The following CTTNBP2 variants were observed in gnomAD, a reference collection of about 807,000 sequenced individuals.
CTTNBP2 encodes the protein cortactin-binding protein 2.
A neutral mutation model predicts 156.9 loss-of-function variants in CTTNBP2; 108 were observed. The ratio of observed to expected loss-of-function variants is 0.69; its 90% confidence interval spans 0.59 to 0.81. CTTNBP2 has a LOEUF of 0.81. Ranked by LOEUF, CTTNBP2 falls within the 30% of genes least tolerant of loss-of-function variation. CTTNBP2 has a pLI of 0.00. For missense variants in CTTNBP2, 1,924 were observed against 2,035.4 expected (o/e 0.95, Z 1.05); for synonymous variants, 767 against 751.8 (o/e 1.02, Z -0.33).
At chr7:117,766,918 T>C in intron 9 of CTTNBP2, 141 bp downstream of exon 9, 1 of 619,556 alleles carries the variant, frequency 1.6e-6, no homozygotes, top group Middle Eastern at 3.2e-4. Context: ...TTATCACACT[T>C]ACAGTCAGTA....
chr7:117,829,214 G>A (rs528036443), intron 2 of CTTNBP2, among the ~76,000 whole-genome samples: 2 of 152,318 alleles, frequency 1.3e-5, no homozygotes, highest in African/African-American at 4.8e-5. Context: ...AAGGAGGTCA[G>A]GACCTGACCA....
intron 2 of CTTNBP2, among the ~76,000 whole-genome samples, chr7:117,814,718 G>A (rs1233594039): frequency 2.0e-5 from 3 of 152,156 alleles, no homozygotes; most frequent in Admixed American, 6.5e-5. Flanking sequence ...GTGAGCCTCC[G>A]TGACAGCCTA....
chr7:117,819,677 A>G (rs945024823), intron 2 of CTTNBP2, among the ~76,000 whole-genome samples: 1 of 152,146 alleles, frequency 6.6e-6, no homozygotes, highest in Middle Eastern at 3.2e-3. Context: ...CATGGCGTCA[A>G]ATGATTTTCT....
chr7:117,839,626 C>A (rs1198364886), intron 2 of CTTNBP2, among the ~76,000 whole-genome samples: 1 of 152,156 alleles, frequency 6.6e-6, no homozygotes, highest in African/African-American at 2.4e-5. Flanking sequence ...AAAAGTGCTA[C>A]TTCTGTCAAA....
rs527844851 is a variant in CTTNBP2, at chr7:117,870,272, A to C, written c.81+3063T>G. ...AGTAAGTGTTCAGTAATGTGTGTTA[A>C]ATCTACGTTATTTCCTATTTAAAAA... On this transcript the variant is annotated intron_variant, in intron 1 of 22. Transcript: ENST00000160373. Among the ~76,000 whole-genome samples the C allele has an allele frequency of 9.2e-5, 14 of 152,308 alleles. 1 individual carries two copies. The highest frequency in any genetic ancestry group is 3.1e-4 in the African/African-American group (13 of 41,570).
At chr7:117,833,729 C>A (rs1449224111) in intron 2 of CTTNBP2, among the ~76,000 whole-genome samples, 2 of 152,198 alleles carry the variant, frequency 1.3e-5, no homozygotes, top group African/African-American at 4.8e-5. Context: ...CTGAGAGCTA[C>A]AAGAAAGAGA....
chr7:117,714,396 A>ATACG (rs1203264633), intron 22 of CTTNBP2: 7 of 152,242 alleles, frequency 4.6e-5, no homozygotes, highest in African/African-American at 1.7e-4. Context: ...AATGCAACAC[A>ATACG]TACGTAGTAT....
intron 1 of CTTNBP2, among the ~76,000 whole-genome samples, chr7:117,863,733 C>T (rs1803924103): frequency 1.3e-5 from 2 of 152,172 alleles, no homozygotes. Context: ...AAGTAAGTGC[C>T]AAATGAAGGC....
chr7:117,816,165 G>T (rs1472774095), intron 2 of CTTNBP2, among the ~76,000 whole-genome samples: 1 of 152,176 alleles, frequency 6.6e-6, no homozygotes, highest in African/African-American at 2.4e-5. Flanking sequence ...TAGAGAAAAT[G>T]ATAGCTAAGG....
chr7:117,795,622 C>G (rs919311171), intron 3 of CTTNBP2, among the ~76,000 whole-genome samples: 1 of 152,190 alleles, frequency 6.6e-6, no homozygotes, highest in African/African-American at 2.4e-5. Context: ...ATCTTGTCCA[C>G]AGTAATTCTG....
intron 2 of CTTNBP2, among the ~76,000 whole-genome samples, chr7:117,821,919 GA>G (rs1800993901): frequency 6.6e-6 from 1 of 152,024 alleles, no homozygotes; most frequent in Non-Finnish European, 1.5e-5. Flanking sequence ...CTATAGTTAT[GA>G]GTATTACTCT....
chr7:117,773,455 A>G (rs968262009), intron 8 of CTTNBP2, among the ~76,000 whole-genome samples: 6 of 152,204 alleles, frequency 3.9e-5, no homozygotes, highest in Non-Finnish European at 7.3e-5. Flanking sequence ...ATCAGAGGAC[A>G]GTGGGACTGC....
chr7:117,818,416 G>T (rs550904940), intron 2 of CTTNBP2, among the ~76,000 whole-genome samples: 2 of 152,154 alleles, frequency 1.3e-5, no homozygotes, highest in African/African-American at 4.8e-5. Context: ...AAGCCACAGC[G>T]GATGGCAAAA....
intron 1 of CTTNBP2, among the ~76,000 whole-genome samples, chr7:117,861,567 A>T (rs1171762668): frequency 6.6e-6 from 1 of 152,056 alleles, no homozygotes. Flanking sequence ...CCAGACTCAA[A>T]ATCTCTCCAA....
At chr7:117,868,069 T>C (rs1804330353) in intron 1 of CTTNBP2, among the ~76,000 whole-genome samples, 1 of 152,044 alleles carries the variant, frequency 6.6e-6, no homozygotes, top group African/African-American at 2.4e-5. Flanking sequence ...ATTTCCTCCT[T>C]AGGGAAAAAA....
intron 2 of CTTNBP2, among the ~76,000 whole-genome samples, chr7:117,828,137 G>C (rs1387857257): frequency 6.6e-6 from 1 of 152,158 alleles, no homozygotes; most frequent in Non-Finnish European, 1.5e-5. Context: ...CAGTTTGAAA[G>C]CAGTCTTTAT....
intron 5 of CTTNBP2, 138 bp downstream of exon 5, chr7:117,784,113 G>A: frequency 1.7e-6 from 1 of 582,616 alleles, no homozygotes; most frequent in South Asian, 3.8e-5. Context: ...TAAATCTCAT[G>A]TTTAAAAAAA....
chr7:117,869,825 T>C (rs962237947), intron 1 of CTTNBP2, among the ~76,000 whole-genome samples: 3 of 152,096 alleles, frequency 2.0e-5, no homozygotes, highest in African/African-American at 4.8e-5. Flanking sequence ...AGCAGGACAC[T>C]GAAAACAGTT....
chr7:117,834,841 T>A (rs1308828940), intron 2 of CTTNBP2, among the ~76,000 whole-genome samples: 1 of 152,262 alleles, frequency 6.6e-6, no homozygotes, highest in African/African-American at 2.4e-5. Context: ...TAGAAATGCA[T>A]GTACTAATTC....
Sources: allele counts gnomAD v4.1 joint callset (sites outside exome capture counted in the v4.1 genomes callset), GRCh38; gene constraint gnomAD v4.1.1; transcripts MANE v1.5; gene names NCBI Gene and HGNC (gene_info 2026-07-23, HGNC 2026-07-21).